CTTNBP2: variants seen among roughly 807,000 people sequenced by gnomAD.
The protein encoded by CTTNBP2 is cortactin binding protein 2, also known as cortactin-binding protein 2.
In CTTNBP2, 108 loss-of-function variants were observed where a neutral mutation model predicts 156.9. The ratio of observed to expected loss-of-function variants is 0.69; its 90% CI spans 0.59 to 0.81. The LOEUF (loss-of-function observed/expected upper bound fraction) is 0.81. Ranked by LOEUF, CTTNBP2 falls within the 30% of genes least tolerant of loss-of-function variation. The probability of loss-of-function intolerance (pLI) is 0.00; values close to 1 mark genes in which losing one functional copy is unlikely to be tolerated. For missense variants in CTTNBP2, 1,924 were observed against 2,035.4 expected, an observed-to-expected ratio of 0.95 and a Z score of 1.05; for synonymous variants, 767 against 751.8, an observed-to-expected ratio of 1.02 and a Z score of -0.33.
At chr7:117,723,225 TA>T (rs1304294596) in intron 19 of CTTNBP2, among the ~76,000 whole-genome samples, 1 of 152,150 alleles carries the variant, frequency 6.6e-6, no homozygotes, top group African/African-American at 2.4e-5. Flanking sequence ...TTCAGTCACT[TA>T]AAAAGGGGTC....
Position 117,711,492 on chromosome 7 carries a change from T to C in CTTNBP2, c.*45A>G, listed in dbSNP as rs759679095. ...TTTGTATCTTGTTGTCCTTGGTTTC[T>C]GTGTGAAATAGAGGAAGTTAATAAT... On this transcript the variant is annotated 3_prime_UTR_variant, in exon 23 of 23. Coordinates refer to ENST00000160373, the MANE Select transcript of CTTNBP2 (RefSeq NM_033427.3). 1.3e-6 allele frequency: 2 copies of C among 1,560,274 alleles called. No homozygotes were observed. Among genetic ancestry groups the C allele is most frequent in the African/African-American group, 2.8e-5 (2 of 71,502 alleles).
intron 2 of CTTNBP2, among the ~76,000 whole-genome samples, chr7:117,853,312 T>C (rs1419878688): frequency 6.6e-6 from 1 of 152,190 alleles, no homozygotes; most frequent in Non-Finnish European, 1.5e-5. Flanking sequence ...TTTTAGCTGG[T>C]TGTGAACAGA....
intron 1 of CTTNBP2, among the ~76,000 whole-genome samples, chr7:117,870,334 C>T (rs187865065): frequency 5.3e-5 from 8 of 152,314 alleles, no homozygotes; most frequent in Admixed American, 1.3e-4. Flanking sequence ...ATAGCTGCCA[C>T]GTAACTATAA....
intron 8 of CTTNBP2, among the ~76,000 whole-genome samples, chr7:117,776,735 G>A (rs184379154): frequency 2.6e-5 from 4 of 152,166 alleles, no homozygotes; most frequent in East Asian, 3.9e-4. Flanking sequence ...TCTTTTTCCC[G>A]TAATTGCTGC....
intron 16 of CTTNBP2, among the ~76,000 whole-genome samples, 181 bp from the exon 17 acceptor site, chr7:117,728,448 G>C (rs1173894416): frequency 6.6e-6 from 1 of 152,346 alleles, no homozygotes; most frequent in Middle Eastern, 3.4e-3. Flanking sequence ...AAACGTGTTA[G>C]TGTGATAAGC....
intron 2 of CTTNBP2, among the ~76,000 whole-genome samples, chr7:117,860,485 C>A (rs578029389): frequency 3.0e-4 from 46 of 151,970 alleles, no homozygotes; most frequent in African/African-American, 1.1e-3. Flanking sequence ...TGGGACTACA[C>A]GCGCCCGCCA....
At chr7:117,836,744 T>C (rs1236730230) in intron 2 of CTTNBP2, among the ~76,000 whole-genome samples, 2 of 152,118 alleles carry the variant, frequency 1.3e-5, no homozygotes, top group African/African-American at 4.8e-5. Flanking sequence ...TAATTCACAG[T>C]TCCACGTGGC....
chr7:117,862,228 G>A (rs755822961), intron 1 of CTTNBP2, among the ~76,000 whole-genome samples: 6 of 151,882 alleles, frequency 4.0e-5, no homozygotes, highest in Non-Finnish European at 5.9e-5. Flanking sequence ...TGGCAGGCCT[G>A]GGAGGGAGCT....
intron 22 of CTTNBP2, among the ~76,000 whole-genome samples, chr7:117,716,975 G>C (rs1222894186): frequency 5.9e-5 from 9 of 152,254 alleles, no homozygotes; most frequent in South Asian, 2.1e-4. Context: ...CCCACACACA[G>C]GTCTTTGCCG....
chr7:117,847,397 G>T (rs192965993), intron 2 of CTTNBP2, among the ~76,000 whole-genome samples: 4 of 152,156 alleles, frequency 2.6e-5, no homozygotes, highest in African/African-American at 7.2e-5. Context: ...TTAGCTGGGC[G>T]TGGAGGTACA....
intron 12 of CTTNBP2, among the ~76,000 whole-genome samples, chr7:117,754,585 T>C (rs189298237): frequency 6.6e-6 from 1 of 152,332 alleles, no homozygotes; most frequent in East Asian, 1.9e-4. Flanking sequence ...GGGATTATAA[T>C]TGTTTATGGA....
At chr7:117,724,447 C>A in intron 19 of CTTNBP2, 100 bp downstream of exon 19, 1 of 1,019,454 alleles carries the variant, frequency 9.8e-7, no homozygotes, top group Non-Finnish European at 1.4e-6. Context: ...CTTTGTTTTA[C>A]CAAATGCATC....
At chr7:117,734,060 A>G (rs1327913228) in intron 16 of CTTNBP2, among the ~76,000 whole-genome samples, 2 of 152,236 alleles carry the variant, frequency 1.3e-5, no homozygotes, top group Non-Finnish European at 2.9e-5. Context: ...ACAAGGGCAC[A>G]GTGTCTGCAG....
chr7:117,790,969 T>TA (rs998987319), intron 4 of CTTNBP2, among the ~76,000 whole-genome samples, 159 bp downstream of exon 4: 17 of 133,838 alleles, frequency 1.3e-4, no homozygotes, highest in East Asian at 8.7e-4. Context: ...CTGGAGCCTT[T>TA]AAAAAAAATA....
intron 2 of CTTNBP2, among the ~76,000 whole-genome samples, chr7:117,823,176 T>C (rs1300610367): frequency 6.6e-6 from 1 of 152,230 alleles, no homozygotes; most frequent in African/African-American, 2.4e-5. Context: ...TAGTAAATGC[T>C]ACCAACCAGT....
At chr7:117,798,204 A>G (rs1799428155) in intron 3 of CTTNBP2, among the ~76,000 whole-genome samples, 4 of 152,170 alleles carry the variant, frequency 2.6e-5, no homozygotes, top group African/African-American at 9.6e-5. Context: ...AAAAACCTAG[A>G]TTAAAAAGCT....
chr7:117,872,062 A>G, intron 1 of CTTNBP2: 2 of 736,016 alleles, frequency 2.7e-6, no homozygotes, highest in Non-Finnish European at 3.3e-6. Flanking sequence ...CTATGCAAAG[A>G]ATGGAAACTC....
chr7:117,729,822 C>T (rs1227382449), intron 16 of CTTNBP2, among the ~76,000 whole-genome samples: 1 of 152,040 alleles, frequency 6.6e-6, no homozygotes, highest in African/African-American at 2.4e-5. Context: ...CTAAATACAG[C>T]GTGGTCAAGA....
chr7:117,831,646 G>A (rs979372764), intron 2 of CTTNBP2, among the ~76,000 whole-genome samples: 2 of 151,392 alleles, frequency 1.3e-5, no homozygotes, highest in East Asian at 4.0e-4. Flanking sequence ...TGGGTCCCAG[G>A]AGCCAAGACT....
Sources: allele counts gnomAD v4.1 joint callset (sites outside exome capture counted in the v4.1 genomes callset), GRCh38; gene constraint gnomAD v4.1.1; transcripts MANE v1.5; gene names NCBI Gene and HGNC (gene_info 2026-07-23, HGNC 2026-07-21).